Variants in MCC observed in about 807,000 individuals in gnomAD.
MCC encodes MCC regulator of Wnt signaling pathway, also known as colorectal mutant cancer protein.
MCC carries 90 observed loss-of-function variants against 116.2 expected under a neutral mutation model. The ratio of observed to expected loss-of-function variants is 0.77; its 90% CI spans 0.65 to 0.92. The LOEUF (loss-of-function observed/expected upper bound fraction) is 0.92, where lower values mean the gene tolerates loss of function less well. Among genes scored for constraint, MCC ranks in the 40% least tolerant of loss-of-function variants. The pLI, the probability that MCC is intolerant of heterozygous loss-of-function variation, is 0.00. For synonymous variants in MCC, 578 were observed against 510.5 expected (o/e 1.13, Z -1.78); for missense variants, 1,516 against 1,312.2 (o/e 1.16, Z -2.40).
chr5:113,271,033 C>T (rs1222803513), intron 3 of MCC, among the ~76,000 whole-genome samples: 1 of 152,114 alleles, frequency 6.6e-6, no homozygotes, highest in East Asian at 1.9e-4. Context: ...CTAGATTAAG[C>T]ATTTAACCAC....
At chr5:113,235,613 C>T (rs1050329960) in intron 3 of MCC, among the ~76,000 whole-genome samples, 2 of 152,196 alleles carry the variant, frequency 1.3e-5, no homozygotes, top group African/African-American at 4.8e-5. Flanking sequence ...CACAGTGCTT[C>T]GCAACTCTCT....
At position 113,101,772 on chromosome 5, in the gene MCC, G is replaced by A. The variant is rs1405537495; in HGVS notation, c.1365C>T (p.Ala455=). ...GGAGCCGGTCCCGCTCTTCCCGGAT[G>A]GCATTCATGGTGGCCTTAGTCCGGT... ...ELNRTKATMN[A]IREERDRLRR... Residue 455 remains alanine, a synonymous_variant, in exon 8 of 19, where the codon GCC becomes GCT. Transcript: ENST00000408903. 4.3e-6 allele frequency: 7 copies of A among 1,613,452 alleles called. No homozygotes were observed. The highest frequency in any genetic ancestry group is 5.9e-6 in the Non-Finnish European group (7 of 1,180,028).
chr5:113,125,299 C>T lies in MCC; in HGVS notation c.885-2473G>A, dbSNP rs530129837. ...AGATAAAATGAGAAGAAGAGAAATG[C>T]ATTCCAGCTATGGTAATCATTATAA... On this transcript the variant is annotated intron_variant, in intron 5 of 18. Transcript: ENST00000408903. Among the ~76,000 whole-genome samples, 144 of 152,228 alleles carry T rather than the reference C, an allele frequency of 9.5e-4. 2 individuals carry two copies. In the South Asian group the frequency reaches 0.011, roughly 11 times the overall value.
chr5:113,438,312 T>C (rs927317499), intron 1 of MCC, among the ~76,000 whole-genome samples: 1 of 152,108 alleles, frequency 6.6e-6, no homozygotes, highest in Admixed American at 6.5e-5. Flanking sequence ...TACGGTGAGT[T>C]GTAGGAGCTG....
rs1352481239 is a variant in MCC at position 113,025,812 on chromosome 5, A to T, written c.*1490T>A. ...TGCCCTCCGAACTGGTGGCTGGAGT[A>T]TCCTCCAGCGAACAGAAGGCTGTGG... On this transcript the variant is annotated 3_prime_UTR_variant, in exon 19 of 19. Transcript: ENST00000408903. 1 of 152,262 alleles carries T rather than the reference A, an allele frequency of 6.6e-6. No individual in the cohort carries two copies. Among genetic ancestry groups the T allele is most frequent in the East Asian group, 1.9e-4 (1 of 5,176 alleles). The allele number at this position is 152,262 out of a possible 1,614,324, so 9.4% of individuals were successfully genotyped here.
chr5:113,066,506 G>A (rs557964152), intron 13 of MCC, among the ~76,000 whole-genome samples: 1 of 152,282 alleles, frequency 6.6e-6, no homozygotes, highest in Admixed American at 6.5e-5. Flanking sequence ...ACCAGAGGGA[G>A]GATCAGAGCA....
chr5:113,064,197 C>A, intron 13 of MCC, 30 bp from the exon 14 acceptor site: 1 of 1,581,754 alleles, frequency 6.3e-7, no homozygotes, highest in South Asian at 1.2e-5. Flanking sequence ...ACGGATTAAT[C>A]AACATAGGCC....
At chr5:113,483,883 G>T (rs542134588) in intron 1 of MCC, among the ~76,000 whole-genome samples, 8 of 152,068 alleles carry the variant, frequency 5.3e-5, no homozygotes, top group Non-Finnish European at 1.2e-4. Flanking sequence ...ACTAGATCGC[G>T]TCCTTTGCAA....
chr5:113,477,395 AG>A (rs1314914007), intron 1 of MCC, among the ~76,000 whole-genome samples: 3 of 152,356 alleles, frequency 2.0e-5, no homozygotes, highest in African/African-American at 7.2e-5. Context: ...TAGGTCACAG[AG>A]GCTGGATTTA....
intron 3 of MCC, among the ~76,000 whole-genome samples, chr5:113,304,608 C>T (rs1289846881): frequency 3.3e-5 from 5 of 152,186 alleles, no homozygotes; most frequent in Admixed American, 1.3e-4. Flanking sequence ...TAGATATTTT[C>T]GAGCCTAAAA....
intron 3 of MCC, chr5:113,294,607 T>TC: frequency 8.5e-7 from 1 of 1,176,882 alleles, no homozygotes; most frequent in South Asian, 4.1e-5. Context: ...TGCAGGAGGC[T>TC]CGGTGGCGCG....
chr5:113,213,755 G>A (rs75788270), intron 3 of MCC, among the ~76,000 whole-genome samples: 5 of 152,230 alleles, frequency 3.3e-5, no homozygotes, highest in African/African-American at 7.2e-5. Flanking sequence ...TTCCTGACAC[G>A]TGTTCTCTTT....
intron 1 of MCC, among the ~76,000 whole-genome samples, chr5:113,420,063 A>C (rs1036565450): frequency 6.6e-6 from 1 of 151,122 alleles, no homozygotes; most frequent in South Asian, 2.1e-4. Flanking sequence ...AGAAAAGAAA[A>C]AAAGGTGAAA....
intron 1 of MCC, among the ~76,000 whole-genome samples, chr5:113,471,184 C>A (rs1240353172): frequency 6.6e-6 from 1 of 152,222 alleles, no homozygotes; most frequent in African/African-American, 2.4e-5. Flanking sequence ...TCGTCAAAGT[C>A]ATTCTCTGTC....
At position 113,084,109 on chromosome 5, in the gene MCC, T is replaced by C. The variant is rs1162502094; in HGVS notation, c.1627A>G (p.Ser543Gly). The C allele has an allele frequency of 6.2e-7, 1 of 1,614,096 alleles. No homozygotes were observed. Among genetic ancestry groups the C allele is most frequent in the South Asian group, 1.1e-5 (1 of 91,078 alleles). ...DRPVLGSEISSIGVSSSVAEH... is the reference protein window; with the variant it reads ...DRPVLGSEISGIGVSSSVAEH... ...TTCTCATGAACACTCACCCCTATGC[T>C]ACTGATTTCTGAGCCCAGGACTGGC... is the stretch of plus-strand genomic sequence containing the variant. Residue 543 changes from serine (S) to glycine (G), a missense_variant, in exon 10 of 19, where the codon AGC becomes GGC. Physicochemically the swap from Ser to Gly is moderately conservative, Grantham distance 56 (BLOSUM62 0). Coordinates refer to ENST00000408903, the MANE Select transcript of MCC (RefSeq NM_001085377.2).
chr5:113,256,340 T>C (rs768368396), intron 3 of MCC, among the ~76,000 whole-genome samples: 2 of 152,216 alleles, frequency 1.3e-5, no homozygotes, highest in Non-Finnish European at 2.9e-5. Flanking sequence ...CTGCCAGGTG[T>C]TGTGGATATG....
intron 3 of MCC, among the ~76,000 whole-genome samples, chr5:113,176,655 A>T (rs1416400525): frequency 6.6e-6 from 1 of 152,204 alleles, no homozygotes; most frequent in Non-Finnish European, 1.5e-5. Flanking sequence ...CCGTACATCC[A>T]GCTTGCTAGG....
chr5:113,036,304 C>T (rs1429039899), intron 17 of MCC, among the ~76,000 whole-genome samples: 1 of 152,068 alleles, frequency 6.6e-6, no homozygotes, highest in East Asian at 1.9e-4. Flanking sequence ...TCCGAAAGTA[C>T]TAGGATTACA....
intron 2 of MCC, among the ~76,000 whole-genome samples, chr5:113,376,467 T>C (rs778520546): frequency 4.6e-5 from 7 of 151,958 alleles, no homozygotes; most frequent in Non-Finnish European, 7.4e-5. Context: ...CAAGATATAA[T>C]GAAAACACAT....
Sources: allele counts gnomAD v4.1 joint callset (sites outside exome capture counted in the v4.1 genomes callset), GRCh38; gene constraint gnomAD v4.1.1; transcripts MANE v1.5; gene names NCBI Gene and HGNC (gene_info 2026-07-23, HGNC 2026-07-21).